GRIA3: variants seen among roughly 807,000 people sequenced by gnomAD.
The protein encoded by GRIA3 is glutamate ionotropic receptor AMPA type subunit 3, also known as glutamate receptor 3.
In GRIA3, 3 loss-of-function variants were observed where a neutral mutation model predicts 63.0. That is an observed-to-expected ratio of 0.05 (90% CI 0.02 to 0.12). The LOEUF (loss-of-function observed/expected upper bound fraction) is 0.12. GRIA3 is among the 10% of genes least tolerant of loss of function. The pLI is 1.00. For synonymous variants in GRIA3, 274 were observed against 257.9 expected, an observed-to-expected ratio of 1.06 and a Z score of -0.60; for missense variants, 347 against 700.9, an observed-to-expected ratio of 0.50 and a Z score of 5.70.
chrX:123,263,131 C>A (rs1228576694), intron 3 of GRIA3, among the ~76,000 whole-genome samples: 1 of 112,280 alleles, frequency 8.9e-6, no homozygotes, highest in Non-Finnish European at 1.9e-5. Flanking sequence ...AGTGCTCTTT[C>A]CCTCTCTCTT....
At chrX:123,446,161 C>T (rs1426025293) in intron 12 of GRIA3, among the ~76,000 whole-genome samples, 1 of 112,057 alleles carries the variant, frequency 8.9e-6, no homozygotes, top group Non-Finnish European at 1.9e-5. Flanking sequence ...GCTAAATATT[C>T]AGCATGTGCC....
chrX:123,189,680 G>A (rs1927375820), intron 2 of GRIA3, among the ~76,000 whole-genome samples: 1 of 112,701 alleles, frequency 8.9e-6, no homozygotes, highest in Admixed American at 9.4e-5. Flanking sequence ...AACCTTAAAG[G>A]TTATTCACCA....
intron 12 of GRIA3, among the ~76,000 whole-genome samples, chrX:123,453,964 T>C (rs975960020): frequency 8.9e-5 from 10 of 111,880 alleles, no homozygotes; most frequent in Middle Eastern, 4.6e-3. Context: ...ATACTCCTTA[T>C]ATATTTTCAT....
At chrX:123,401,133 C>A (rs748493974) in intron 7 of GRIA3, among the ~76,000 whole-genome samples, 1 of 111,511 alleles carries the variant, frequency 9.0e-6, no homozygotes, top group African/African-American at 3.3e-5. Flanking sequence ...AGACGGGATG[C>A]GGGGAAACTG....
At position 123,244,499 on chromosome X, in the gene GRIA3, C is replaced by A. The variant is rs190231441; in HGVS notation, c.269-8804C>A. On this transcript the variant is annotated intron_variant, in intron 2 of 15. Transcript: ENST00000620443. ...GGCTTGGAAGAGTCCAGAATATCCACCCTTTTTAAGTTTCTACTGCTAAAG... is the reference window on the plus strand; with the variant it reads ...GGCTTGGAAGAGTCCAGAATATCCAACCTTTTTAAGTTTCTACTGCTAAAG... 1.6e-3 allele frequency among the ~76,000 whole-genome samples: 180 copies of A among 112,658 alleles called. 1 individual carries two copies. Among genetic ancestry groups the A allele is most frequent in the African/African-American group, 5.3e-3 (165 of 31,079 alleles).
intron 3 of GRIA3, among the ~76,000 whole-genome samples, chrX:123,298,626 T>C (rs2044700945): frequency 8.9e-6 from 1 of 111,885 alleles, no homozygotes; most frequent in Non-Finnish European, 1.9e-5. Context: ...AGATGCTATA[T>C]ATTATACCTT....
At chrX:123,185,766 C>T (rs1927253723) in intron 1 of GRIA3, 66 bp from the exon 2 acceptor site, 1 of 933,675 alleles carries the variant, frequency 1.1e-6, no homozygotes, top group East Asian at 3.1e-5. Context: ...CTATATTGTT[C>T]CCCAATTCCT....
At chrX:123,308,190 C>T (rs906895548) in intron 3 of GRIA3, among the ~76,000 whole-genome samples, 3 of 111,833 alleles carry the variant, frequency 2.7e-5, no homozygotes, top group Non-Finnish European at 3.8e-5. Flanking sequence ...CCAGCCAAAG[C>T]GTAGTTCTCA....
intron 3 of GRIA3, among the ~76,000 whole-genome samples, chrX:123,301,919 A>G (rs1271352425): frequency 2.7e-5 from 3 of 112,109 alleles, no homozygotes; most frequent in African/African-American, 9.7e-5. Context: ...ACTATTTGCA[A>G]CAAAATTCAT....
chrX:123,458,156 A>G (rs1359966699), intron 12 of GRIA3, among the ~76,000 whole-genome samples: 2 of 109,873 alleles, frequency 1.8e-5, no homozygotes, highest in Non-Finnish European at 3.8e-5. Flanking sequence ...TGACACTTCA[A>G]TTTTAATATT....
At chrX:123,330,243 C>G (rs1458190608) in intron 4 of GRIA3, among the ~76,000 whole-genome samples, 2 of 112,093 alleles carry the variant, frequency 1.8e-5, no homozygotes, top group Non-Finnish European at 3.8e-5. Context: ...GCAGGCAGAG[C>G]AGATAGGTTT....
In GRIA3 at chrX:123,420,092, C is replaced by CA. The variant is rs779448866; in HGVS notation, c.1877+2320dup. ...ACTGTAACATCTTTATATTTTGAGA[C>CA]AAAAAAGCTGTAGGTTTTGGTAAAC... On this transcript the variant is annotated intron_variant, in intron 11 of 15. Transcript: ENST00000620443. 7.2e-5 allele frequency among the ~76,000 whole-genome samples: 8 copies of CA among 111,364 alleles called. No homozygotes were observed. The East Asian group carries it at 2.2e-3, about 31-fold the overall frequency.
At chrX:123,309,868 C>T (rs897342491) in intron 3 of GRIA3, among the ~76,000 whole-genome samples, 1 of 111,523 alleles carries the variant, frequency 9.0e-6, no homozygotes, top group Non-Finnish European at 1.9e-5. Flanking sequence ...ATCCACTATC[C>T]CTGCCCACCT....
chrX:123,238,637 C>T (rs1439646928), intron 2 of GRIA3, among the ~76,000 whole-genome samples: 2 of 112,189 alleles, frequency 1.8e-5, no homozygotes, highest in Non-Finnish European at 3.8e-5. Flanking sequence ...ATTTTTAATG[C>T]TAGGTCATGA....
chrX:123,259,978 G>C (rs2044442049), intron 3 of GRIA3, among the ~76,000 whole-genome samples: 1 of 111,303 alleles, frequency 9.0e-6, no homozygotes. Flanking sequence ...CTTAAGGCAT[G>C]GTATCCACAA....
At chrX:123,476,671 A>T (rs2045888371) in intron 13 of GRIA3, among the ~76,000 whole-genome samples, 2 of 110,713 alleles carry the variant, frequency 1.8e-5, no homozygotes, top group African/African-American at 6.6e-5. Context: ...CCTCATTTTT[A>T]TTTAGAAGTT....
At chrX:123,196,792 G>C (rs760505630) in intron 2 of GRIA3, among the ~76,000 whole-genome samples, 1 of 111,837 alleles carries the variant, frequency 8.9e-6, no homozygotes, top group African/African-American at 3.3e-5. Flanking sequence ...CAAAGCCTCT[G>C]GTGCTCATTG....
intron 3 of GRIA3, among the ~76,000 whole-genome samples, chrX:123,284,146 C>G (rs920783827): frequency 2.7e-5 from 3 of 112,306 alleles, no homozygotes; most frequent in African/African-American, 9.7e-5. Context: ...AGCAGACTGG[C>G]AGCAGAGGGG....
intron 5 of GRIA3, among the ~76,000 whole-genome samples, chrX:123,377,089 C>A (rs2045290777): frequency 9.1e-6 from 1 of 109,903 alleles, no homozygotes; most frequent in Non-Finnish European, 1.9e-5. Context: ...CGCCCGCCAC[C>A]ATGCCCGGCT....
Sources: allele counts gnomAD v4.1 joint callset (sites outside exome capture counted in the v4.1 genomes callset), GRCh38; gene constraint gnomAD v4.1.1; transcripts MANE v1.5; gene names NCBI Gene and HGNC (gene_info 2026-07-23, HGNC 2026-07-21).